Variants in WDPCP observed in about 807,000 individuals in gnomAD.
The protein encoded by WDPCP is WD repeat containing planar cell polarity effector.
In WDPCP, 71 loss-of-function variants were observed where a neutral mutation model predicts 93.1. The observed-to-expected ratio is 0.76, with a 90% confidence interval of 0.63 to 0.93. The LOEUF (loss-of-function observed/expected upper bound fraction) is 0.93, where lower values mean the gene tolerates loss of function less well. Ranked by LOEUF, WDPCP falls within the 40% of genes least tolerant of loss-of-function variation. The pLI is 0.00. For missense variants in WDPCP, 844 were observed against 887.4 expected, an observed-to-expected ratio of 0.95 and a Z score of 0.62; for synonymous variants, 315 against 315.0, an observed-to-expected ratio of 1.00 and a Z score of 0.00.
chr2:63,220,078 C>T (rs994853060), intron 14 of WDPCP, among the ~76,000 whole-genome samples: 1 of 152,096 alleles, frequency 6.6e-6, no homozygotes, highest in Non-Finnish European at 1.5e-5. Flanking sequence ...ATTGACTGCA[C>T]CTCCTTCTTC....
intron 9 of WDPCP, among the ~76,000 whole-genome samples, chr2:63,409,719 A>T (rs1694888570): frequency 6.6e-6 from 1 of 152,194 alleles, no homozygotes; most frequent in Admixed American, 6.5e-5. Flanking sequence ...AAAATTCAGG[A>T]AACATTGGAA....
At chr2:63,812,239 G>A (rs182836718) in intron 2 of WDPCP, among the ~76,000 whole-genome samples, 59 of 152,244 alleles carry the variant, frequency 3.9e-4, no homozygotes, top group Admixed American at 1.2e-3. Flanking sequence ...TGCTGCAAGG[G>A]ACATGATTTT....
intron 1 of WDPCP, among the ~76,000 whole-genome samples, chr2:63,522,299 C>T (rs1456092335): frequency 3.3e-5 from 5 of 151,668 alleles, no homozygotes; most frequent in Admixed American, 2.6e-4. Flanking sequence ...ACTAAACACC[C>T]ACATCAAAAA....
At chr2:63,441,200 G>C (rs1558639602) in intron 6 of WDPCP, 1 of 152,048 alleles carries the variant, frequency 6.6e-6, no homozygotes, top group Non-Finnish European at 1.5e-5. Context: ...AGGCACATTT[G>C]TTTCAAGAAA....
intron 17 of WDPCP, among the ~76,000 whole-genome samples, chr2:63,149,209 T>C (rs1290655851): frequency 6.6e-6 from 1 of 151,988 alleles, no homozygotes; most frequent in African/African-American, 2.4e-5. Flanking sequence ...GAGTAAAACA[T>C]AGGAATAGGC....
At chr2:63,339,959 T>G (rs4671487) in intron 12 of WDPCP, among the ~76,000 whole-genome samples, 122,097 of 152,062 alleles carry the variant, frequency 0.8, 49,923 homozygotes, top group East Asian at 0.96. Context: ...TAATCATATG[T>G]TTTTTGTTAT....
chr2:63,739,957 T>C (rs1325769909), intron 2 of WDPCP, among the ~76,000 whole-genome samples: 1 of 152,098 alleles, frequency 6.6e-6, no homozygotes, highest in Non-Finnish European at 1.5e-5. Flanking sequence ...TTTAACATGG[T>C]TAATAAACAT....
intron 1 of WDPCP, among the ~76,000 whole-genome samples, chr2:63,582,444 A>G (rs1708555936): frequency 6.6e-6 from 1 of 152,158 alleles, no homozygotes; most frequent in African/African-American, 2.4e-5. Flanking sequence ...CTCAAAATAC[A>G]TATAACTGTC....
chr2:63,719,201 A>T (rs745834462), intron 2 of WDPCP, among the ~76,000 whole-genome samples: 2 of 152,204 alleles, frequency 1.3e-5, no homozygotes, highest in African/African-American at 2.4e-5. Flanking sequence ...ATGACAGTAC[A>T]AGAGGTGAGG....
chr2:63,385,218 G>A (rs980532574), intron 10 of WDPCP, among the ~76,000 whole-genome samples: 7 of 151,960 alleles, frequency 4.6e-5, no homozygotes, highest in South Asian at 2.1e-4. Flanking sequence ...GTTTTCCACC[G>A]AAGATTGGAA....
chr2:63,148,755 A>G (rs1671695512), intron 17 of WDPCP, among the ~76,000 whole-genome samples: 1 of 152,158 alleles, frequency 6.6e-6, no homozygotes, highest in Non-Finnish European at 1.5e-5. Context: ...TTCTAGGTGT[A>G]AGACAGGGAA....
At chr2:63,559,759 A>G (rs1208510244) in intron 1 of WDPCP, among the ~76,000 whole-genome samples, 1 of 152,200 alleles carries the variant, frequency 6.6e-6, no homozygotes, top group African/African-American at 2.4e-5. Flanking sequence ...GATAACTACA[A>G]TCCACTGCTT....
At chr2:63,632,093 G>C (rs1361398811) in intron 3 of WDPCP, among the ~76,000 whole-genome samples, 1 of 152,194 alleles carries the variant, frequency 6.6e-6, no homozygotes, top group Non-Finnish European at 1.5e-5. Flanking sequence ...GAGCTGCACA[G>C]ATATTACACC....
At chr2:63,451,568 G>A (rs1343966929) in intron 6 of WDPCP, among the ~76,000 whole-genome samples, 2 of 152,182 alleles carry the variant, frequency 1.3e-5, no homozygotes, top group African/African-American at 4.8e-5. Flanking sequence ...AATAGAAAAA[G>A]AGGGAATCCT....
At chr2:63,399,892 A>G (rs1473161843) in intron 10 of WDPCP, among the ~76,000 whole-genome samples, 1 of 152,172 alleles carries the variant, frequency 6.6e-6, no homozygotes, top group Non-Finnish European at 1.5e-5. Context: ...TGTATGTATT[A>G]TATCTTTCAG....
At chr2:63,601,394 A>T (rs1709415376) in intron 3 of WDPCP, among the ~76,000 whole-genome samples, 1 of 152,196 alleles carries the variant, frequency 6.6e-6, no homozygotes, top group African/African-American at 2.4e-5. Context: ...TGCTGTATTT[A>T]TGTCTGCTGA....
intron 12 of WDPCP, among the ~76,000 whole-genome samples, chr2:63,322,584 A>C (rs982758328): frequency 6.6e-6 from 1 of 151,944 alleles, no homozygotes; most frequent in Non-Finnish European, 1.5e-5. Context: ...CTGCGGCTTC[A>C]CTCCTGAAGT....
intron 14 of WDPCP, among the ~76,000 whole-genome samples, chr2:63,231,424 G>A (rs1039509847): frequency 6.6e-6 from 1 of 152,152 alleles, no homozygotes; most frequent in African/African-American, 2.4e-5. Context: ...TATATATTTA[G>A]AAAACCCCAT....
intron 1 of WDPCP, among the ~76,000 whole-genome samples, chr2:63,493,779 C>T (rs1268561377): frequency 6.6e-6 from 1 of 151,832 alleles, no homozygotes. Flanking sequence ...AAACATAGTA[C>T]TATACTGTAT....
Sources: allele counts gnomAD v4.1 joint callset (sites outside exome capture counted in the v4.1 genomes callset), GRCh38; gene constraint gnomAD v4.1.1; transcripts MANE v1.5; gene names NCBI Gene and HGNC (gene_info 2026-07-23, HGNC 2026-07-21).